Variants in PRH1 observed in about 807,000 individuals in gnomAD.
PRH1 encodes the protein salivary acidic proline-rich phosphoprotein 1/2.
Under a neutral mutation model 7.9 loss-of-function variants are expected in PRH1, and 7 were observed. That is an observed-to-expected ratio of 0.89 (90% CI 0.50 to 1.67). The LOEUF is 1.67. PRH1 is among the 40% of genes most tolerant of loss of function. The probability of loss-of-function intolerance (pLI) is 0.00; values close to 1 mark genes in which losing one functional copy is unlikely to be tolerated. For missense variants in PRH1, 109 were observed against 223.6 expected, an observed-to-expected ratio of 0.49 and a Z score of 3.27; for synonymous variants, 45 against 80.8, an observed-to-expected ratio of 0.56 and a Z score of 2.38.
chr12:11,022,194 C>T, intron 1 of PRH1: 1 of 1,614,114 alleles, frequency 6.2e-7, no homozygotes, highest in Non-Finnish European at 8.5e-7. Context: ...GAACAACACT[C>T]TTAATTCTCT....
At chr12:10,923,912 G>T (rs1950086584) in intron 2 of PRH1, among the ~76,000 whole-genome samples, 1 of 149,632 alleles carries the variant, frequency 6.7e-6, no homozygotes, top group South Asian at 2.1e-4. Flanking sequence ...TTAAAATTTT[G>T]CTAGTTATCA....
chr12:11,156,681 TAGAA>T (rs1162481806), intron 1 of PRH1, among the ~76,000 whole-genome samples: 1 of 152,170 alleles, frequency 6.6e-6, no homozygotes, highest in African/African-American at 2.4e-5. Flanking sequence ...ATTTTGGTGG[TAGAA>T]AGAAACTTTC....
At chr12:11,052,320 G>A (rs946988683) in intron 1 of PRH1, among the ~76,000 whole-genome samples, 2 of 152,144 alleles carry the variant, frequency 1.3e-5, no homozygotes, top group East Asian at 3.8e-4. Flanking sequence ...ACTACTCTTT[G>A]GAAACACACT....
chr12:11,046,171 C>A (rs1437107231), intron 1 of PRH1, among the ~76,000 whole-genome samples: 19 of 151,938 alleles, frequency 1.3e-4, no homozygotes, highest in Admixed American at 1.2e-3. Context: ...AGGTAGAAAC[C>A]AGAATGGACA....
At chr12:11,162,695 T>C (rs897991699) in intron 1 of PRH1, among the ~76,000 whole-genome samples, 2 of 152,294 alleles carry the variant, frequency 1.3e-5, no homozygotes, top group African/African-American at 2.4e-5. Flanking sequence ...CAGGATCCCA[T>C]GCAGTTGGGT....
chr12:10,909,528 C>T (rs1039537010), intron 2 of PRH1: 1 of 462,472 alleles, frequency 2.2e-6, no homozygotes, highest in Non-Finnish European at 3.9e-6. Context: ...CTGCTGAGCC[C>T]TAGCTAAGAT....
intron 1 of PRH1, among the ~76,000 whole-genome samples, chr12:11,093,224 C>A (rs1417701683): frequency 2.6e-5 from 3 of 115,686 alleles, no homozygotes; most frequent in Admixed American, 8.7e-5. Context: ...ATCACCAATG[C>A]GGACTTTTTT....
At chr12:11,112,619 A>C (rs1406547727) in intron 1 of PRH1, among the ~76,000 whole-genome samples, 1 of 152,218 alleles carries the variant, frequency 6.6e-6, no homozygotes, top group Non-Finnish European at 1.5e-5. Context: ...CATGCTAAAA[A>C]CACTCAAGAA....
chr12:11,062,037 A>G, intron 1 of PRH1: 3 of 1,607,660 alleles, frequency 1.9e-6, no homozygotes, highest in Non-Finnish European at 2.6e-6. Flanking sequence ...CTGCCCAGAC[A>G]TTGTAAGCAG....
In PRH1 at chr12:10,898,812, A is replaced by C. The variant is rs556088041; in HGVS notation, c.-58-14537T>G. Reference sequence around the variant, plus strand: ...TCCATGTTTTGTCTGGGTAAAGTACATTCCAGACACACGGAACAGCATTAT... The same window carrying C: ...TCCATGTTTTGTCTGGGTAAAGTACCTTCCAGACACACGGAACAGCATTAT... On this transcript the variant is annotated intron_variant, in intron 2 of 3. Coordinates refer to the PRH1 transcript ENST00000539853. 5.9e-5 allele frequency among the ~76,000 whole-genome samples: 9 copies of C among 152,318 alleles called. No homozygotes were observed. In the East Asian group the frequency reaches 1.5e-3, roughly 26 times the overall value.
intron 3 of PRH1, among the ~76,000 whole-genome samples, chr12:10,881,319 A>G (rs1389664340): frequency 5.9e-5 from 9 of 152,228 alleles, no homozygotes; most frequent in Admixed American, 5.9e-4. Flanking sequence ...GCTGTTGGTT[A>G]TGTAAGGGCT....
intron 2 of PRH1, among the ~76,000 whole-genome samples, chr12:10,965,852 T>A (rs964083962): frequency 6.6e-6 from 1 of 152,232 alleles, no homozygotes; most frequent in African/African-American, 2.4e-5. Flanking sequence ...CCAATTTTTA[T>A]GCTAGATTTA....
intron 2 of PRH1, among the ~76,000 whole-genome samples, chr12:10,951,143 C>T (rs568319710): frequency 1.3e-5 from 2 of 152,246 alleles, no homozygotes; most frequent in South Asian, 4.1e-4. Flanking sequence ...AACAACGTCT[C>T]TTCTTGCTAT....
intron 2 of PRH1, among the ~76,000 whole-genome samples, chr12:10,898,272 G>T (rs1949676835): frequency 6.6e-6 from 1 of 152,102 alleles, no homozygotes; most frequent in East Asian, 1.9e-4. Flanking sequence ...AAAACCAATG[G>T]AGATATAATA....
chr12:11,036,185 G>A (rs377382049), intron 1 of PRH1, among the ~76,000 whole-genome samples: 20 of 151,520 alleles, frequency 1.3e-4, no homozygotes, highest in African/African-American at 4.6e-4. Context: ...GAGCCACCGC[G>A]CCCGCCCTAT....
At chr12:10,937,847 A>C in intron 2 of PRH1, 1 of 155,444 alleles carries the variant, frequency 6.4e-6, no homozygotes, top group East Asian at 1.9e-4. Flanking sequence ...AATTAAAAAC[A>C]CTTAATATAG....
chr12:11,066,123 A>T (rs1442802605), intron 1 of PRH1, among the ~76,000 whole-genome samples: 1 of 125,720 alleles, frequency 8.0e-6, no homozygotes, highest in African/African-American at 2.7e-5. Flanking sequence ...GAAAGATTGA[A>T]GAACTTTAAG....
chr12:11,081,857 T>C (rs1196156567), intron 1 of PRH1, among the ~76,000 whole-genome samples: 1,193 of 81,618 alleles, frequency 0.015, 27 homozygotes, highest in Middle Eastern at 0.02. Context: ...CTAACATCCT[T>C]ACTTTATAAA....
At chr12:11,154,597 T>C (rs1007875727) in intron 1 of PRH1, among the ~76,000 whole-genome samples, 4 of 152,146 alleles carry the variant, frequency 2.6e-5, no homozygotes, top group Non-Finnish European at 5.9e-5. Context: ...GAACAAAGGT[T>C]GTCTTATTAT....
Sources: gnomAD v4.1 joint callset for allele counts (sites outside exome capture counted in the v4.1 genomes callset) on GRCh38, gnomAD v4.1.1 for gene constraint, MANE v1.5 for transcripts, NCBI Gene and HGNC (gene_info 2026-07-23, HGNC 2026-07-21) for gene names.